Variants in NUP210L observed in about 807,000 individuals in gnomAD.
The protein encoded by NUP210L is nuclear pore membrane glycoprotein 210-like.
Under a neutral mutation model 208.5 loss-of-function variants are expected in NUP210L, and 74 were observed. That is an observed-to-expected ratio of 0.35 (90% CI 0.29 to 0.43). The LOEUF (loss-of-function observed/expected upper bound fraction) is 0.43. Among genes scored for constraint, NUP210L ranks in the 20% least tolerant of loss-of-function variants. NUP210L has a pLI of 1.00. For synonymous variants in NUP210L, 780 were observed against 816.9 expected (o/e 0.95, Z 0.77); for missense variants, 1,843 against 2,289.4 (o/e 0.81, Z 3.98).
intron 27 of NUP210L, among the ~76,000 whole-genome samples, chr1:154,044,021 C>A (rs569848541): frequency 1.3e-5 from 2 of 152,158 alleles, no homozygotes; most frequent in South Asian, 4.2e-4. Flanking sequence ...AAGAGTGATG[C>A]TTTACATAAA....
chr1:154,103,565 G>C (rs1208563713), intron 13 of NUP210L, among the ~76,000 whole-genome samples: 1 of 148,838 alleles, frequency 6.7e-6, no homozygotes, highest in African/African-American at 2.5e-5. Context: ...CCAGCTACTC[G>C]GGAGGCTGAG....
At chr1:154,054,372 G>A (rs771954305) in exon 25 of NUP210L, 94 of 1,614,030 alleles carry the variant, frequency 5.8e-5, no homozygotes, top group Non-Finnish European at 7.8e-5. Context: ...AGAAGTGAAC[G>A]ATGGATTGGG....
chr1:154,089,227 C>G (rs1445675235), intron 16 of NUP210L, among the ~76,000 whole-genome samples, 194 bp downstream of exon 16: 1 of 152,102 alleles, frequency 6.6e-6, no homozygotes, highest in African/African-American at 2.4e-5. Flanking sequence ...CCCTTGTGCA[C>G]TGTTGGTAAG....
intron 10 of NUP210L, among the ~76,000 whole-genome samples, chr1:154,124,961 A>G (rs906771472): frequency 6.6e-6 from 1 of 151,888 alleles, no homozygotes; most frequent in Non-Finnish European, 1.5e-5. Flanking sequence ...CCAAAAAAAG[A>G]AAAATAAAGT....
exon 18 of NUP210L, chr1:154,061,658 T>G: frequency 6.2e-7 from 1 of 1,602,184 alleles, no homozygotes. Context: ...TCTGATGTAC[T>G]TTAAGGATCT....
intron 33 of NUP210L, among the ~76,000 whole-genome samples, chr1:154,015,906 C>CAATA (rs71584164): frequency 0.086 from 11,470 of 133,856 alleles, 577 homozygotes; most frequent in Middle Eastern, 0.12. Context: ...GACCCTGTCT[C>CAATA]AATAAATAAA....
chr1:154,087,320 C>CAAAAAAAAAAAAAAAAAAA (rs1185085313), intron 16 of NUP210L, among the ~76,000 whole-genome samples: 1 of 59,732 alleles, frequency 1.7e-5, no homozygotes, highest in Non-Finnish European at 4.0e-5. Context: ...AGCTCCATCT[C>CAAAAAAAAAAAAAAAAAAA]AAAAAAAAAA....
At chr1:154,139,147 A>G (rs1658700937) in intron 5 of NUP210L, among the ~76,000 whole-genome samples, 1 of 152,154 alleles carries the variant, frequency 6.6e-6, no homozygotes, top group African/African-American at 2.4e-5. Flanking sequence ...ACACACCTGT[A>G]ATCCCAGATA....
intron 2 of NUP210L, among the ~76,000 whole-genome samples, chr1:154,144,497 C>T (rs1421754365): frequency 6.6e-6 from 1 of 152,116 alleles, no homozygotes; most frequent in Non-Finnish European, 1.5e-5. Context: ...CCCAGTCCAA[C>T]CAGAGTTCTA....
chr1:154,001,654 TTTTGCCC>T, intron 36 of NUP210L, 74 bp downstream of exon 36: 1 of 1,442,204 alleles, frequency 6.9e-7, no homozygotes, highest in Non-Finnish European at 9.5e-7. Flanking sequence ...CAGTAACTTC[TTTTGCCC>T]TTGAAGTGAG....
intron 37 of NUP210L, among the ~76,000 whole-genome samples, chr1:153,997,916 G>A (rs1475933892): frequency 6.6e-6 from 1 of 151,228 alleles, no homozygotes; most frequent in Non-Finnish European, 1.5e-5. Context: ...CACCATGTTG[G>A]CCAGGCTGGT....
intron 6 of NUP210L, among the ~76,000 whole-genome samples, chr1:154,137,459 G>A (rs1658605023): frequency 6.6e-6 from 1 of 151,882 alleles, no homozygotes; most frequent in Admixed American, 6.6e-5. Flanking sequence ...GGCTGAGGCA[G>A]GAGAACTGCT....
At chr1:154,049,579 G>A (rs991577707) in intron 25 of NUP210L, among the ~76,000 whole-genome samples, 1 of 152,154 alleles carries the variant, frequency 6.6e-6, no homozygotes, top group Non-Finnish European at 1.5e-5. Flanking sequence ...AGGCTTTAGA[G>A]GACTTAGTTA....
chr1:154,154,941 A>G (rs1404044993), exon 1 of NUP210L: 1 of 1,614,142 alleles, frequency 6.2e-7, no homozygotes, highest in Non-Finnish European at 8.5e-7. Context: ...TTTGTTGGCC[A>G]GGGTCCCACG....
exon 31 of NUP210L, chr1:154,023,200 G>T: frequency 6.2e-7 from 1 of 1,613,918 alleles, no homozygotes; most frequent in Non-Finnish European, 8.5e-7. Flanking sequence ...AACAGTGAAG[G>T]TAAGAGACAT....
At chr1:154,069,210 C>G (rs1654576504) in intron 17 of NUP210L, among the ~76,000 whole-genome samples, 1 of 152,108 alleles carries the variant, frequency 6.6e-6, no homozygotes, top group South Asian at 2.1e-4. Context: ...TCTAATTAAA[C>G]TAAAGAGCTT....
chr1:154,153,432 CTCGAG>C (rs1659502654), intron 1 of NUP210L, among the ~76,000 whole-genome samples: 1 of 152,180 alleles, frequency 6.6e-6, no homozygotes, highest in Non-Finnish European at 1.5e-5. Flanking sequence ...GCCTCAGCCT[CTCGAG>C]TAGCTGAGAT....
chr1:154,093,987 G>GA (rs1255683909), intron 15 of NUP210L, among the ~76,000 whole-genome samples: 2 of 151,724 alleles, frequency 1.3e-5, no homozygotes, highest in African/African-American at 2.4e-5. Flanking sequence ...CCTGTCTATA[G>GA]AAAAAAACAA....
intron 16 of NUP210L, among the ~76,000 whole-genome samples, chr1:154,085,295 A>G (rs1477387306): frequency 6.6e-6 from 1 of 150,958 alleles, no homozygotes. Context: ...GCTTGCAGTG[A>G]GCCGAGATCG....
Sources: allele counts gnomAD v4.1 joint callset (sites outside exome capture counted in the v4.1 genomes callset), GRCh38; gene constraint gnomAD v4.1.1; transcripts MANE v1.5; gene names NCBI Gene and HGNC (gene_info 2026-07-23, HGNC 2026-07-21).